TNNI3K: variants seen among roughly 807,000 people sequenced by gnomAD.
TNNI3K encodes serine/threonine-protein kinase TNNI3K.
A neutral mutation model predicts 114.5 loss-of-function variants in TNNI3K; 140 were observed. The observed-to-expected ratio is 1.22, with a 90% confidence interval of 1.07 to 1.41. The LOEUF (loss-of-function observed/expected upper bound fraction) is 1.41. Ranked by LOEUF, TNNI3K falls within the 40% of genes most tolerant of loss-of-function variation. TNNI3K has a pLI of 0.00. For synonymous variants in TNNI3K, 347 were observed against 347.5 expected (o/e 1.00, Z 0.02); for missense variants, 1,125 against 1,007.6 (o/e 1.12, Z -1.58).
chr1:74,340,452 A>G (rs1660696167), intron 7 of TNNI3K, among the ~76,000 whole-genome samples: 1 of 152,180 alleles, frequency 6.6e-6, no homozygotes, highest in African/African-American at 2.4e-5. Flanking sequence ...AAAACTAAAT[A>G]CATCACAATG....
intron 21 of TNNI3K, among the ~76,000 whole-genome samples, chr1:74,472,551 C>T (rs960610453): frequency 1.3e-5 from 2 of 151,856 alleles, no homozygotes; most frequent in Non-Finnish European, 2.9e-5. Context: ...TAATTTTTTC[C>T]TGAATTCATT....
chr1:74,349,041 G>A (rs971234543), intron 9 of TNNI3K, among the ~76,000 whole-genome samples: 1 of 152,140 alleles, frequency 6.6e-6, no homozygotes, highest in Non-Finnish European at 1.5e-5. Context: ...ATGTTGAATA[G>A]GAGTGGTGAG....
chr1:74,368,305 T>TG (rs1281198683), intron 13 of TNNI3K, among the ~76,000 whole-genome samples: 6 of 151,906 alleles, frequency 3.9e-5, no homozygotes, highest in African/African-American at 1.4e-4. Flanking sequence ...AAATATATAT[T>TG]ATTTTTCAAA....
rs190163621 is a variant in TNNI3K at position 74,299,729 on chromosome 1, T to C, written c.444+28021T>C. On this transcript the variant is annotated intron_variant, in intron 5 of 24. Coordinates refer to ENST00000326637, the MANE Select transcript of TNNI3K (RefSeq NM_015978.3). The stretch of plus-strand genomic sequence containing the variant: ...CAGAGGCAAGAAGCATCATGGTGTA[T>C]GTAGAAAAATACTAGCAGTTTTATG... 3.8e-3 allele frequency among the ~76,000 whole-genome samples: 573 copies of C among 152,198 alleles called. 4 individuals carry two copies. Among genetic ancestry groups the C allele is most frequent in the African/African-American group, 0.013 (549 of 41,552 alleles).
chr1:74,429,185 C>G lies in TNNI3K; in HGVS notation c.1773-6895C>G, dbSNP rs933492101. Among the ~76,000 whole-genome samples, 7 of 152,122 alleles carry G rather than the reference C, an allele frequency of 4.6e-5. No individual in the cohort carries two copies. In the East Asian group the frequency reaches 1.2e-3, roughly 25 times the overall value. Reference sequence around the variant, plus strand: ...AAAACCAGGACCTCCAGCAGTTATCCTCAAGAAGATAATGACTTTATGATC... The same window carrying G: ...AAAACCAGGACCTCCAGCAGTTATCGTCAAGAAGATAATGACTTTATGATC... On this transcript the variant is annotated intron_variant, in intron 17 of 24. Coordinates refer to ENST00000326637, the MANE Select transcript of TNNI3K (RefSeq NM_015978.3).
At chr1:74,505,006 A>G (rs554087935) in intron 23 of TNNI3K, among the ~76,000 whole-genome samples, 13 of 152,230 alleles carry the variant, frequency 8.5e-5, no homozygotes, top group Non-Finnish European at 1.8e-4. Context: ...ATGAAATGAC[A>G]TATTGGGACA....
At chr1:74,423,645 G>A (rs530315742) in intron 17 of TNNI3K, among the ~76,000 whole-genome samples, 4 of 152,154 alleles carry the variant, frequency 2.6e-5, no homozygotes, top group East Asian at 1.9e-4. Context: ...TTACCATACC[G>A]CAGTTGCTTA....
intron 17 of TNNI3K, among the ~76,000 whole-genome samples, chr1:74,426,799 A>G (rs1206481348): frequency 6.6e-6 from 1 of 152,066 alleles, no homozygotes; most frequent in African/African-American, 2.4e-5. Flanking sequence ...TGTAAGTGAG[A>G]AGAATCCGGT....
chr1:74,319,845 A>G (rs1659512411), intron 5 of TNNI3K, among the ~76,000 whole-genome samples: 2 of 152,188 alleles, frequency 1.3e-5, no homozygotes, highest in Non-Finnish European at 2.9e-5. Flanking sequence ...TTCTGAGTTC[A>G]TTGAATAAAA....
chr1:74,326,027 A>G (rs1659882878), intron 5 of TNNI3K, among the ~76,000 whole-genome samples: 1 of 152,226 alleles, frequency 6.6e-6, no homozygotes, highest in African/African-American at 2.4e-5. Flanking sequence ...ACACAGGCAT[A>G]GAGAAGAGAA....
At chr1:74,540,043 A>G (rs534090593) in intron 23 of TNNI3K, among the ~76,000 whole-genome samples, 191 bp from the exon 24 acceptor site, 1 of 152,250 alleles carries the variant, frequency 6.6e-6, no homozygotes, top group Admixed American at 6.5e-5. Context: ...AAGAGCCAGG[A>G]CTCACACTTG....
intron 23 of TNNI3K, among the ~76,000 whole-genome samples, chr1:74,530,973 A>G (rs1434365795): frequency 6.6e-6 from 1 of 152,160 alleles, no homozygotes; most frequent in African/African-American, 2.4e-5. Context: ...TTAAGTTCTC[A>G]CTGCATTTTT....
At position 74,517,202 on chromosome 1, in the gene TNNI3K, A is replaced by AT. The variant is rs561665944; in HGVS notation, c.2352-23032_2352-23031insT. On this transcript the variant is annotated intron_variant, in intron 23 of 24. Transcript: ENST00000326637. ...TGTAGGGGTAACTCTTTAAAAAAAA[A>AT]GGTTAATAACATTAATCCAATTTTA... Among the ~76,000 whole-genome samples, 463 of 152,138 alleles carry AT rather than the reference A, an allele frequency of 3.0e-3. 5 individuals carry two copies. Among genetic ancestry groups the AT allele is most frequent in the South Asian group, 0.012 (60 of 4,818 alleles).
intron 23 of TNNI3K, among the ~76,000 whole-genome samples, chr1:74,507,733 T>C (rs1669978428): frequency 6.6e-6 from 1 of 152,240 alleles, no homozygotes; most frequent in South Asian, 2.1e-4. Flanking sequence ...GCCATGTTGG[T>C]ATTCCCTACT....
chr1:74,509,760 T>C (rs1472093023), intron 23 of TNNI3K, among the ~76,000 whole-genome samples: 1 of 133,576 alleles, frequency 7.5e-6, no homozygotes, highest in Non-Finnish European at 1.6e-5. Context: ...TTTTTTTTTT[T>C]TTTTTTTTTT....
intron 5 of TNNI3K, among the ~76,000 whole-genome samples, chr1:74,296,832 A>T (rs1298336957): frequency 6.6e-6 from 1 of 152,178 alleles, no homozygotes; most frequent in Non-Finnish European, 1.5e-5. Flanking sequence ...TGTGTCTTTT[A>T]AAAAATCTTG....
intron 17 of TNNI3K, among the ~76,000 whole-genome samples, chr1:74,422,762 A>C (rs909176424): frequency 8.3e-5 from 12 of 145,276 alleles, no homozygotes; most frequent in Admixed American, 4.7e-4. Flanking sequence ...AAATCAAGAC[A>C]AAAAAAAACC....
rs144022398 is a variant in TNNI3K at position 74,493,411 on chromosome 1, A to G, written c.2351+1145A>G. Among the ~76,000 whole-genome samples, 910 of 152,340 alleles carry G rather than the reference A, an allele frequency of 6.0e-3. 13 individuals carry two copies. Among genetic ancestry groups the G allele is most frequent in the African/African-American group, 0.02 (845 of 41,578 alleles). On this transcript the variant is annotated intron_variant, in intron 23 of 24. Transcript: ENST00000326637. ...GCAAAAACAAAAAGATTAAGCAAAA[A>G]GGTAAGTCAGAAAAAAGAGAAAAAG... is the stretch of plus-strand genomic sequence containing the variant.
chr1:74,523,512 T>TAA (rs45587037), intron 23 of TNNI3K, among the ~76,000 whole-genome samples: 1 of 151,410 alleles, frequency 6.6e-6, no homozygotes, highest in Non-Finnish European at 1.5e-5. Flanking sequence ...GAGACTCACT[T>TAA]AAAAAAAAAG....
Sources: allele counts gnomAD v4.1 joint callset (sites outside exome capture counted in the v4.1 genomes callset), GRCh38; gene constraint gnomAD v4.1.1; transcripts MANE v1.5; gene names NCBI Gene and HGNC (gene_info 2026-07-23, HGNC 2026-07-21).